The following CLVS1 variants were observed in gnomAD, a reference collection of about 807,000 sequenced individuals.
CLVS1 encodes clavesin-1.
Under a neutral mutation model 33.1 loss-of-function variants are expected in CLVS1, and 10 were observed. The observed-to-expected ratio is 0.30, with a 90% CI of 0.19 to 0.51. The LOEUF (loss-of-function observed/expected upper bound fraction) is 0.51. Ranked by LOEUF, CLVS1 falls within the 20% of genes least tolerant of loss-of-function variation. The pLI, the probability that CLVS1 is intolerant of heterozygous loss-of-function variation, is 0.97. For synonymous variants in CLVS1, 163 were observed against 166.1 expected, an observed-to-expected ratio of 0.98 and a Z score of 0.14; for missense variants, 343 against 433.4, an observed-to-expected ratio of 0.79 and a Z score of 1.85.
chr8:61,172,305 T>G (rs1248548700), intron 2 of CLVS1, among the ~76,000 whole-genome samples: 3 of 146,226 alleles, frequency 2.1e-5, no homozygotes, highest in African/African-American at 7.5e-5. Context: ...GAAGACTTTA[T>G]TTGGGGGAAA....
At chr8:60,966,014 G>A in the CLVS1 span, 10 of 171,574 alleles carry the variant, frequency 5.8e-5, no homozygotes, top group South Asian at 6.4e-4. Flanking sequence ...GTTTTGCCAC[G>A]TTGGCCAGGC....
At chr8:61,106,429 C>T (rs141707492) in intron 1 of CLVS1, among the ~76,000 whole-genome samples, 3 of 152,294 alleles carry the variant, frequency 2.0e-5, no homozygotes, top group African/African-American at 7.2e-5. Context: ...AAAGCTAAGG[C>T]GCATTTTGGA....
At chr8:61,439,735 C>G (rs1249529563) in intron 3 of CLVS1, among the ~76,000 whole-genome samples, 5 of 152,116 alleles carry the variant, frequency 3.3e-5, no homozygotes, top group Non-Finnish European at 1.5e-5. Context: ...AGAAATTTGA[C>G]AGGTTTGTAC....
the CLVS1 span, among the ~76,000 whole-genome samples, chr8:60,968,673 GA>G: frequency 6.6e-6 from 1 of 152,092 alleles, no homozygotes; most frequent in Non-Finnish European, 1.5e-5. Context: ...CAGATCACTT[GA>G]GGCCAGGGGT....
At chr8:61,382,442 G>A (rs1813918566) in intron 3 of CLVS1, among the ~76,000 whole-genome samples, 1 of 152,124 alleles carries the variant, frequency 6.6e-6, no homozygotes, top group African/African-American at 2.4e-5. Context: ...TTCTCCAGGT[G>A]TAGTCCACAA....
chr8:61,033,047 A>AAGAAAGAAAGAAAGAG, the CLVS1 span, among the ~76,000 whole-genome samples: 3 of 77,938 alleles, frequency 3.8e-5, no homozygotes, highest in Non-Finnish European at 8.4e-5. Flanking sequence ...GAAAGAAAGA[A>AAGAAAGAAAGAAAGAG]AAAGAAAGAA....
chr8:61,395,464 C>T (rs572986867), intron 3 of CLVS1, among the ~76,000 whole-genome samples: 125 of 152,116 alleles, frequency 8.2e-4, no homozygotes, highest in Middle Eastern at 3.4e-3. Context: ...AACATTCTCA[C>T]CACACACACA....
At chr8:61,441,407 T>C (rs1816539086) in intron 3 of CLVS1, among the ~76,000 whole-genome samples, 1 of 152,138 alleles carries the variant, frequency 6.6e-6, no homozygotes, top group Admixed American at 6.6e-5. Context: ...GGAATCTTAG[T>C]AGATGGAGGG....
At chr8:61,480,010 C>G (rs574625602) in intron 5 of CLVS1, among the ~76,000 whole-genome samples, 1 of 152,218 alleles carries the variant, frequency 6.6e-6, no homozygotes, top group Non-Finnish European at 1.5e-5. Context: ...GGTGCCTCCC[C>G]GTTAGGCTAC....
chr8:61,407,197 G>T (rs879864844), intron 3 of CLVS1, among the ~76,000 whole-genome samples: 7 of 152,134 alleles, frequency 4.6e-5, no homozygotes, highest in Admixed American at 1.3e-4. Flanking sequence ...AACATATGAA[G>T]AATACTCAGC....
At chr8:61,165,364 T>A (rs1806839889) in intron 2 of CLVS1, among the ~76,000 whole-genome samples, 1 of 152,140 alleles carries the variant, frequency 6.6e-6, no homozygotes, top group South Asian at 2.1e-4. Flanking sequence ...AGAGCTCCCA[T>A]ACAAGGGGAG....
At chr8:61,292,452 T>G (rs1233604607) in intron 1 of CLVS1, 9 of 455,610 alleles carry the variant, frequency 2.0e-5, no homozygotes, top group Non-Finnish European at 3.1e-5. Context: ...TGGCCGTTTT[T>G]GGGTGAGTCC....
Position 61,173,160 on chromosome 8 carries a change from A to T in CLVS1, c.-152+41300A>T, listed in dbSNP as rs576235178. Among the ~76,000 whole-genome samples, 7 of 152,224 alleles carry T rather than the reference A, an allele frequency of 4.6e-5. No homozygotes were observed. In the East Asian group the frequency reaches 1.4e-3, roughly 29 times the overall value. ...TAATTATTATCTGGTTAACATTTTC[A>T]TATGCACACACACAAGTAGATAGGG... On this transcript the variant is annotated intron_variant, in intron 2 of 2. Coordinates refer to the CLVS1 transcript ENST00000522621.
chr8:61,396,094 T>C (rs1208322081), intron 3 of CLVS1, among the ~76,000 whole-genome samples: 1 of 152,188 alleles, frequency 6.6e-6, no homozygotes, highest in African/African-American at 2.4e-5. Flanking sequence ...TCTTCCTTAA[T>C]ATTTTAAAAC....
At chr8:61,038,835 G>A in the CLVS1 span, among the ~76,000 whole-genome samples, 16 of 152,218 alleles carry the variant, frequency 1.1e-4, no homozygotes, top group Middle Eastern at 3.4e-3. Context: ...AAGTGACTCC[G>A]GACACTCACG....
At chr8:61,152,595 G>A (rs549541562) in intron 2 of CLVS1, among the ~76,000 whole-genome samples, 2 of 152,258 alleles carry the variant, frequency 1.3e-5, no homozygotes, top group South Asian at 2.1e-4. Context: ...AAGGGCAAAA[G>A]CATTTAGCTA....
At chr8:61,080,493 T>G (rs1213554762) in intron 1 of CLVS1, among the ~76,000 whole-genome samples, 1 of 152,154 alleles carries the variant, frequency 6.6e-6, no homozygotes, top group Non-Finnish European at 1.5e-5. Flanking sequence ...AATCTCTGAG[T>G]TCTAGCACTT....
chr8:61,209,444 G>A (rs934550569), intron 2 of CLVS1, among the ~76,000 whole-genome samples: 2 of 152,218 alleles, frequency 1.3e-5, no homozygotes, highest in African/African-American at 4.8e-5. Context: ...GTGGAGTTGG[G>A]CAGGCAAGAC....
At chr8:61,239,169 TTTTGTTTAA>T (rs1202569616) in intron 2 of CLVS1, among the ~76,000 whole-genome samples, 1 of 152,234 alleles carries the variant, frequency 6.6e-6, no homozygotes, top group Non-Finnish European at 1.5e-5. Flanking sequence ...TGTTTAATTT[TTTTGTTTAA>T]TTTGTTTAAT....
Sources: allele counts gnomAD v4.1 joint callset (sites outside exome capture counted in the v4.1 genomes callset), GRCh38; gene constraint gnomAD v4.1.1; transcripts MANE v1.5; gene names NCBI Gene and HGNC (gene_info 2026-07-23, HGNC 2026-07-21).